Variants in CRHBP observed in about 807,000 individuals in gnomAD.
CRHBP encodes corticotropin-releasing hormone-binding protein.
Under a neutral mutation model 34.9 loss-of-function variants are expected in CRHBP, and 19 were observed. That is an observed-to-expected ratio of 0.55 (90% confidence interval 0.38 to 0.80). The LOEUF is 0.80. Ranked by LOEUF, CRHBP falls within the 30% of genes least tolerant of loss-of-function variation. The pLI, the probability that CRHBP is intolerant of heterozygous loss-of-function variation, is 0.00. For synonymous variants in CRHBP, 154 were observed against 153.4 expected, an observed-to-expected ratio of 1.00 and a Z score of -0.03; for missense variants, 328 against 409.2, an observed-to-expected ratio of 0.80 and a Z score of 1.71.
At chr5:76,960,312 C>T (rs1465795006) in intron 5 of CRHBP, among the ~76,000 whole-genome samples, 5 of 152,098 alleles carry the variant, frequency 3.3e-5, no homozygotes, top group African/African-American at 7.2e-5. Flanking sequence ...AGTGCAGGGG[C>T]TCAGAGGCAG....
At chr5:76,953,500 T>G (rs924278397) in intron 1 of CRHBP, 101 bp from the exon 2 acceptor site, 2 of 1,178,500 alleles carry the variant, frequency 1.7e-6, no homozygotes, top group Non-Finnish European at 1.2e-6. Flanking sequence ...CCCTCTCTCT[T>G]TATTCGCTAT....
chr5:76,977,424 G>A (rs1448608945), intron 3 of CRHBP, among the ~76,000 whole-genome samples: 2 of 152,080 alleles, frequency 1.3e-5, no homozygotes, highest in African/African-American at 2.4e-5. Flanking sequence ...ATGTGTCTGT[G>A]TCACATTTTG....
intron 6 of CRHBP, among the ~76,000 whole-genome samples, chr5:76,965,171 A>G (rs1380242873): frequency 6.6e-6 from 1 of 152,220 alleles, no homozygotes; most frequent in African/African-American, 2.4e-5. Flanking sequence ...AGCCATTTAC[A>G]TAAGGGACTT....
In CRHBP at chr5:76,953,227, C is replaced by T; in HGVS notation, c.81+12C>T. 1.2e-6 allele frequency: 2 copies of T among 1,612,398 alleles called. No individual in the cohort carries two copies. Among genetic ancestry groups the T allele is most frequent in the Non-Finnish European group, 1.7e-6 (2 of 1,178,466 alleles). ...GCCGGTACCTAGAGGTGAGCCACCC[C>T]TGGACTGACCCATCTCACCTTCCTT... On this transcript the variant is annotated intron_variant, in intron 1 of 6. Coordinates refer to ENST00000274368, the MANE Select transcript of CRHBP (RefSeq NM_001882.4).
intron 5 of CRHBP, among the ~76,000 whole-genome samples, chr5:76,960,796 G>A (rs997205335): frequency 6.6e-6 from 1 of 150,576 alleles, no homozygotes; most frequent in Non-Finnish European, 1.5e-5. Flanking sequence ...ATGGAGTCTC[G>A]CTCTGTCGCC....
chr5:76,958,208 G>A (rs1328774242), intron 4 of CRHBP, among the ~76,000 whole-genome samples: 5 of 152,030 alleles, frequency 3.3e-5, no homozygotes, highest in Non-Finnish European at 7.4e-5. Flanking sequence ...TGGGGCCATG[G>A]TGAAGCTGCC....
intron 1 of CRHBP, 148 bp from the exon 2 acceptor site, chr5:76,953,453 G>C: frequency 1.0e-6 from 1 of 969,502 alleles, no homozygotes; most frequent in Non-Finnish European, 1.6e-6. Context: ...GAGGGTCTAA[G>C]ACCTTCCCGT....
intron 4 of CRHBP, among the ~76,000 whole-genome samples, chr5:76,956,441 C>T (rs933670541): frequency 6.6e-6 from 1 of 152,198 alleles, no homozygotes; most frequent in Admixed American, 6.5e-5. Context: ...AGCATATTAT[C>T]TTACTAAAAA....
At chr5:76,956,688 C>T (rs918020032) in intron 4 of CRHBP, among the ~76,000 whole-genome samples, 6 of 151,026 alleles carry the variant, frequency 4.0e-5, no homozygotes, top group South Asian at 2.1e-4. Flanking sequence ...CGCGCCACTG[C>T]GCTCCAGCCG....
rs186696913 is a variant in CRHBP, at chr5:76,953,980, T to G, written c.176-49T>G. 23 of 1,561,392 alleles carry G rather than the reference T, an allele frequency of 1.5e-5. No homozygotes were observed. The African/African-American group carries it at 2.9e-4, about 19-fold the overall frequency. ...GAGAGCGGCCGCCCGAGGACGGCGC[T>G]GCGGCGGCTGCAGCCCGGGACTTAT... On this transcript the variant is annotated intron_variant, in intron 2 of 6. Coordinates refer to ENST00000274368, the MANE Select transcript of CRHBP (RefSeq NM_001882.4).
intron 5 of CRHBP, among the ~76,000 whole-genome samples, chr5:76,961,860 T>A: frequency 6.6e-6 from 1 of 152,256 alleles, no homozygotes; most frequent in Middle Eastern, 3.4e-3. Context: ...TTCAAGTGAT[T>A]CTCCCACCTC....
intron 6 of CRHBP, among the ~76,000 whole-genome samples, chr5:76,965,595 A>G (rs994640232): frequency 8.5e-5 from 13 of 152,206 alleles, no homozygotes; most frequent in Admixed American, 2.0e-4. Context: ...TAAGACAAGG[A>G]TTAAAGAACA....
intron 4 of CRHBP, among the ~76,000 whole-genome samples, chr5:76,958,266 T>TA (rs1745722031): frequency 1.3e-5 from 2 of 152,112 alleles, no homozygotes; most frequent in African/African-American, 4.8e-5. Context: ...TAAGTTTTTT[T>TA]AAAAAAGAAA....
intron 6 of CRHBP, among the ~76,000 whole-genome samples, chr5:76,964,110 T>TC (rs1745823181): frequency 6.6e-6 from 1 of 152,178 alleles, no homozygotes; most frequent in Non-Finnish European, 1.5e-5. Context: ...TTTCACTTTT[T>TC]TATGCTCATG....
Position 76,961,528 on chromosome 5 carries a change from A to C in CRHBP, c.694-1815A>C, listed in dbSNP as rs1460821653. Among the ~76,000 whole-genome samples the C allele has an allele frequency of 5.9e-5, 9 of 152,286 alleles. No individual in the cohort carries two copies. In the East Asian group the frequency reaches 1.7e-3, roughly 29 times the overall value. ...TTCCACTCTCAATACAAGAACATGA[A>C]GCCCTGTATACAGTGGGGCTAATTA... is the stretch of plus-strand genomic sequence containing the variant. On this transcript the variant is annotated intron_variant, in intron 5 of 6. Coordinates refer to ENST00000274368, the MANE Select transcript of CRHBP (RefSeq NM_001882.4).
At chr5:76,971,540 A>C (rs984879921), downstream of CRHBP, among the ~76,000 whole-genome samples, 1 of 152,184 alleles carries the variant, frequency 6.6e-6, no homozygotes, top group Non-Finnish European at 1.5e-5. Context: ...AGGGTTAGTT[A>C]AGGTTGTTGC....
Position 76,953,164 on chromosome 5 carries a change from C to T in CRHBP, c.30C>T (p.His10=). MSPNFKLQC[H]FILIFLTALR... is the part of the protein sequence containing the mutation. ...CGCCCAACTTCAAACTTCAGTGTCACTTCATTCTCATCTTCCTGACGGCTC... is the reference window on the plus strand; with the variant it reads ...CGCCCAACTTCAAACTTCAGTGTCATTTCATTCTCATCTTCCTGACGGCTC... Residue 10 remains histidine, a synonymous_variant, in exon 1 of 7, where the codon CAC becomes CAT. Transcript: ENST00000274368. The T allele has an allele frequency of 6.2e-7, 1 of 1,614,210 alleles. No individual in the cohort carries two copies. The highest frequency in any genetic ancestry group is 8.5e-7 in the Non-Finnish European group (1 of 1,180,034).
chr5:76,967,035 G>A (rs937269122), intron 6 of CRHBP, among the ~76,000 whole-genome samples: 7 of 152,144 alleles, frequency 4.6e-5, no homozygotes, highest in African/African-American at 1.7e-4. Context: ...TTGAGGTCAG[G>A]AGTTTGAGAC....
chr5:76,970,250 A>G (rs1745926573), downstream of CRHBP, among the ~76,000 whole-genome samples: 1 of 152,000 alleles, frequency 6.6e-6, no homozygotes, highest in Non-Finnish European at 1.5e-5. Flanking sequence ...CCGGCTAGAA[A>G]ATTCTTTTAA....
Sources: allele counts gnomAD v4.1 joint callset (sites outside exome capture counted in the v4.1 genomes callset), GRCh38; gene constraint gnomAD v4.1.1; transcripts MANE v1.5; gene names NCBI Gene and HGNC (gene_info 2026-07-23, HGNC 2026-07-21).